The following ANKRD36 variants were observed in gnomAD, a reference collection of about 807,000 sequenced individuals.
ANKRD36 encodes the protein ankyrin repeat domain-containing protein 36A.
ANKRD36 carries 179 observed loss-of-function variants against 278.1 expected under a neutral mutation model. The ratio of observed to expected loss-of-function variants is 0.64; its 90% CI spans 0.57 to 0.73. ANKRD36 has a LOEUF of 0.73. ANKRD36 is among the 30% of genes least tolerant of loss of function. The pLI is 0.00. For synonymous variants in ANKRD36, 320 were observed against 641.1 expected, an observed-to-expected ratio of 0.50 and a Z score of 7.57; for missense variants, 1,159 against 1,956.7, an observed-to-expected ratio of 0.59 and a Z score of 7.69.
chr2:97,135,739 C>T (rs1216711915), intron 6 of ANKRD36, among the ~76,000 whole-genome samples: 2 of 151,506 alleles, frequency 1.3e-5, no homozygotes, highest in South Asian at 2.1e-4. Flanking sequence ...GACAAAGGGA[C>T]GATTCACATC....
At chr2:97,146,462 T>C in intron 10 of ANKRD36, 24 bp from the exon 11 acceptor site, 9 of 1,494,674 alleles carry the variant, frequency 6.0e-6, no homozygotes, top group Non-Finnish European at 7.2e-6. Context: ...TGATTTAAAA[T>C]GCATTTTACT....
At position 97,164,552 on chromosome 2, in the gene ANKRD36, T is replaced by C. The variant is rs1575167292; in HGVS notation, c.1531+83T>C. 1.4e-5 allele frequency: 20 copies of C among 1,433,922 alleles called. No individual in the cohort carries two copies. The East Asian group carries it at 5.0e-4, about 36-fold the overall frequency. The allele number at this position is 1,433,922 out of a possible 1,614,324, so 88.8% of individuals were successfully genotyped here. A position where few individuals can be genotyped will look rare whatever the true frequency, so the allele number is the denominator to read the frequency against. ...CTCATAGTTTTTTGATTCCCACTTTTTATCCAAGTGAGATGGAAGGATTTG... is the reference window on the plus strand; with the variant it reads ...CTCATAGTTTTTTGATTCCCACTTTCTATCCAAGTGAGATGGAAGGATTTG... On this transcript the variant is annotated intron_variant, in intron 20 of 75. Transcript: ENST00000420699.
At chr2:97,126,510 G>A (rs1195011068) in intron 5 of ANKRD36, among the ~76,000 whole-genome samples, 1 of 151,870 alleles carries the variant, frequency 6.6e-6, no homozygotes, top group South Asian at 2.1e-4. Flanking sequence ...AGAACAATAA[G>A]CAAAATTAGG....
At chr2:97,231,420 G>A (rs917439360) in intron 67 of ANKRD36, among the ~76,000 whole-genome samples, 73 of 152,164 alleles carry the variant, frequency 4.8e-4, no homozygotes, top group Middle Eastern at 6.3e-3. Context: ...GACTCCATGG[G>A]CGCAGGACCC....
In ANKRD36 at chr2:97,136,255, A is replaced by G. The variant is rs952822921; in HGVS notation, c.800-6385A>G. ...GATGCTCTCCAATACATGAAGGCAT[A>G]TGGAGAATACATGGATGTTCCCAGA... is the stretch of plus-strand genomic sequence containing the variant. On this transcript the variant is annotated intron_variant, in intron 6 of 75. Coordinates refer to ENST00000420699, the MANE Select transcript of ANKRD36 (RefSeq NM_001354587.1). 5.3e-5 allele frequency among the ~76,000 whole-genome samples: 8 copies of G among 150,090 alleles called. 1 individual carries two copies. The Admixed American group carries it at 5.4e-4, about 10-fold the overall frequency.
In ANKRD36 at chr2:97,193,015, T is replaced by C. The variant is rs759928933; in HGVS notation, c.2411T>C (p.Ile804Thr). ...GACGAGGAAGGTTCTGTTTTGAGTATAGCCAGAGAAAACAAGGATGGAGAA... is the reference window on the plus strand; with the variant it reads ...GACGAGGAAGGTTCTGTTTTGAGTACAGCCAGAGAAAACAAGGATGGAGAA... The part of the protein sequence containing the change: ...TSDEEGSVLS[I>T]ARENKDGEKS... The change falls in exon 38 of 76, where the codon ATA becomes ACA. Residue 804 changes from isoleucine to threonine, a missense_variant. Coordinates refer to ENST00000420699, the MANE Select transcript of ANKRD36 (RefSeq NM_001354587.1). 34 of 1,575,198 alleles carry C rather than the reference T, an allele frequency of 2.2e-5. No individual in the cohort carries two copies. The highest frequency in any genetic ancestry group is 8.2e-5 in the African/African-American group (6 of 73,616).
intron 3 of ANKRD36, 62 bp downstream of exon 3, chr2:97,118,579 A>T: frequency 2.3e-6 from 3 of 1,291,538 alleles, no homozygotes; most frequent in Non-Finnish European, 3.1e-6. Context: ...ACATTGACAC[A>T]TGTAAGGGTC....
chr2:97,159,541 A>C (rs201592918), intron 17 of ANKRD36, among the ~76,000 whole-genome samples: 1 of 147,276 alleles, frequency 6.8e-6, no homozygotes, highest in Non-Finnish European at 1.5e-5. Context: ...ATAATGCAAA[A>C]TAAAATGTGT....
chr2:97,130,849 A>T (rs1272982170), intron 6 of ANKRD36, among the ~76,000 whole-genome samples: 6 of 151,978 alleles, frequency 3.9e-5, no homozygotes, highest in Non-Finnish European at 7.4e-5. Flanking sequence ...ACTATATATG[A>T]TTTTCTTTTA....
At chr2:97,147,015 T>A (rs1402551018) in intron 11 of ANKRD36, among the ~76,000 whole-genome samples, 2 of 151,940 alleles carry the variant, frequency 1.3e-5, no homozygotes, top group Admixed American at 6.6e-5. Context: ...ACCATCAAAA[T>A]TTTAAAGGCA....
intron 30 of ANKRD36, among the ~76,000 whole-genome samples, 178 bp from the exon 31 acceptor site, chr2:97,187,020 A>G (rs562906644): frequency 1.3e-5 from 2 of 151,994 alleles, no homozygotes; most frequent in East Asian, 1.9e-4. Flanking sequence ...TGGCACATCT[A>G]TTTCTGTTTT....
rs978178447 is a variant in ANKRD36 at position 97,158,671 on chromosome 2, G to T, written c.1389+16G>T. 15 of 1,534,590 alleles carry T rather than the reference G, an allele frequency of 9.8e-6. No homozygotes were observed. Among genetic ancestry groups the T allele is most frequent in the African/African-American group, 1.4e-5 (1 of 73,008 alleles). On this transcript the variant is annotated intron_variant, in intron 17 of 75. Coordinates refer to ENST00000420699, the MANE Select transcript of ANKRD36 (RefSeq NM_001354587.1). ...TGTTGATAAGGTAAATGAAGATGTG[G>T]TTAAAAGCCAACATAGAATAATCAG...
intron 66 of ANKRD36, among the ~76,000 whole-genome samples, chr2:97,222,948 A>G (rs1459234060): frequency 6.6e-6 from 1 of 152,098 alleles, no homozygotes; most frequent in East Asian, 2.0e-4. Context: ...TAGAAACAAA[A>G]AGTTATAGCA....
rs916061029 is a variant in ANKRD36 at position 97,144,728 on chromosome 2, A to G, written c.1003+16A>G. 6 of 1,543,432 alleles carry G rather than the reference A, an allele frequency of 3.9e-6. No homozygotes were observed. Among genetic ancestry groups the G allele is most frequent in the East Asian group, 4.9e-5 (2 of 40,904 alleles). On this transcript the variant is annotated intron_variant, in intron 10 of 75. Transcript: ENST00000420699. ...TCTGGGACAGGTAATTTTGCAATAC[A>G]CATTTAATGCCATGTACAGTCAAGA...
chr2:97,224,991 AT>A (rs1401460712), intron 67 of ANKRD36, 112 bp downstream of exon 67: 1 of 948,560 alleles, frequency 1.1e-6, no homozygotes, highest in Admixed American at 3.2e-5. Flanking sequence ...GTATCAGTTG[AT>A]TATAATTTAA....
rs1298139524 is a variant in ANKRD36, at chr2:97,256,228, G to A, written c.*6+6055G>A. On this transcript the variant is annotated intron_variant, in intron 75 of 75. Coordinates refer to ENST00000420699, the MANE Select transcript of ANKRD36 (RefSeq NM_001354587.1). ...AAAAATCAGATGGGTGTGGTGGTGG[G>A]CGCCTGTAATCCCAGCTACTTGGAA... Among the ~76,000 whole-genome samples the A allele has an allele frequency of 2.1e-5, 3 of 145,420 alleles. No individual in the cohort carries two copies. The South Asian group carries it at 1.1e-3, about 53-fold the overall frequency.
chr2:97,191,474 C>A lies in ANKRD36; in HGVS notation c.2347+293C>A, dbSNP rs1201932286. ...GCATAATTTTGCTTTAACTCTACAG[C>A]GTTTTCAGTAAGGGTGGAAGGAGAA... On this transcript the variant is annotated intron_variant, in intron 36 of 75. Transcript: ENST00000420699. Among the ~76,000 whole-genome samples the A allele has an allele frequency of 2.6e-5, 4 of 151,486 alleles. No homozygotes were observed. In the Admixed American group the frequency reaches 2.6e-4, roughly 10 times the overall value.
chr2:97,202,156 T>C (rs1463604764), intron 46 of ANKRD36, 46 bp from the exon 47 acceptor site: 1 of 1,606,268 alleles, frequency 6.2e-7, no homozygotes, highest in Admixed American at 1.7e-5. Flanking sequence ...TGGAAATCTT[T>C]GTCATATTTA....
At chr2:97,130,301 A>G (rs984668857) in intron 6 of ANKRD36, among the ~76,000 whole-genome samples, 17 of 151,966 alleles carry the variant, frequency 1.1e-4, no homozygotes, top group Non-Finnish European at 2.1e-4. Flanking sequence ...TTGTAGGGAC[A>G]TGGATGAAGC....
Sources: gnomAD v4.1 joint callset for allele counts (sites outside exome capture counted in the v4.1 genomes callset) on GRCh38, gnomAD v4.1.1 for gene constraint, MANE v1.5 for transcripts, NCBI Gene and HGNC (gene_info 2026-07-23, HGNC 2026-07-21) for gene names.